Variants in CYB5R4 observed in about 807,000 individuals in gnomAD.
CYB5R4 encodes N-terminal cytochrome b5 and cytochrome b5 oxidoreductase domain-containing protein.
Under a neutral mutation model 70.2 loss-of-function variants are expected in CYB5R4, and 55 were observed. The observed-to-expected ratio is 0.78, with a 90% CI of 0.63 to 0.98. CYB5R4 has a LOEUF of 0.98. CYB5R4 is among the 50% of genes least tolerant of loss of function. The probability of loss-of-function intolerance (pLI) is 0.00; values close to 1 mark genes in which losing one functional copy is unlikely to be tolerated. For synonymous variants in CYB5R4, 197 were observed against 199.5 expected (o/e 0.99, Z 0.11); for missense variants, 562 against 612.6 (o/e 0.92, Z 0.87).
chr6:83,934,768 A>G lies in CYB5R4; in HGVS notation c.955+33A>G, dbSNP rs61756892. On this transcript the variant is annotated intron_variant, in intron 11 of 15. Transcript: ENST00000369681. The stretch of plus-strand genomic sequence containing the variant: ...GAATAGAGGCTTTGGGACACAATTT[A>G]TTCTTTTATAAGCAGTTCAAAATCA... The G allele has an allele frequency of 7.1e-4, 1,126 of 1,582,518 alleles. 11 individuals carry two copies. The African/African-American group carries it at 0.014, about 19-fold the overall frequency.
intron 3 of CYB5R4, among the ~76,000 whole-genome samples, chr6:83,903,394 T>G (rs1353008217): frequency 6.6e-6 from 1 of 152,150 alleles, no homozygotes; most frequent in Non-Finnish European, 1.5e-5. Flanking sequence ...TTTATTATAT[T>G]TTTGATGTGC....
At position 83,888,728 on chromosome 6, in the gene CYB5R4, T is replaced by C. The variant is rs573297591; in HGVS notation, c.230-4794T>C. ...AGTGTTCCAAGTGAAGGAAATGTTG[T>C]ATATCTCTCACTTCAAATAAAAAAC... is the stretch of plus-strand genomic sequence containing the variant. On this transcript the variant is annotated intron_variant, in intron 2 of 15. Coordinates refer to ENST00000369681, the MANE Select transcript of CYB5R4 (RefSeq NM_016230.4). 2.3e-4 allele frequency among the ~76,000 whole-genome samples: 35 copies of C among 152,292 alleles called. 1 individual carries two copies. Among genetic ancestry groups the C allele is most frequent in the Middle Eastern group, 3.4e-3 (1 of 294 alleles).
chr6:83,946,385 A>G (rs978892928), intron 14 of CYB5R4, among the ~76,000 whole-genome samples: 3 of 152,210 alleles, frequency 2.0e-5, no homozygotes, highest in Admixed American at 6.5e-5. Context: ...CCTTCATGCT[A>G]AAAACACTCA....
At chr6:83,878,536 C>T (rs531662142) in intron 2 of CYB5R4, among the ~76,000 whole-genome samples, 31 of 152,098 alleles carry the variant, frequency 2.0e-4, no homozygotes, top group South Asian at 1.5e-3. Context: ...TTAGTAGAGA[C>T]GGGGTTTCAC....
chr6:83,901,815 A>G (rs546145242), intron 3 of CYB5R4, among the ~76,000 whole-genome samples: 1 of 151,676 alleles, frequency 6.6e-6, no homozygotes, highest in East Asian at 1.9e-4. Context: ...TCATGTACTC[A>G]TCAACTATTT....
chr6:83,950,004 T>C (rs1410348046), intron 14 of CYB5R4, among the ~76,000 whole-genome samples: 2 of 152,150 alleles, frequency 1.3e-5, no homozygotes, highest in Non-Finnish European at 2.9e-5. Flanking sequence ...TACACATGGA[T>C]CCAACAGTGA....
chr6:83,944,902 A>T (rs1177502852), intron 14 of CYB5R4, among the ~76,000 whole-genome samples: 1 of 152,246 alleles, frequency 6.6e-6, no homozygotes, highest in Non-Finnish European at 1.5e-5. Flanking sequence ...ATATGCACCC[A>T]ATACAGGAGC....
intron 14 of CYB5R4, among the ~76,000 whole-genome samples, chr6:83,945,000 A>G (rs767918571): frequency 2.8e-4 from 43 of 151,678 alleles, no homozygotes; most frequent in Middle Eastern, 3.4e-3. Context: ...CCTACTGTCA[A>G]TATTAGACAG....
chr6:83,902,937 G>C (rs1285029141), intron 3 of CYB5R4, among the ~76,000 whole-genome samples: 3 of 151,912 alleles, frequency 2.0e-5, no homozygotes, highest in African/African-American at 7.3e-5. Context: ...GGAGTCTTTT[G>C]GTTTTTCTAA....
In CYB5R4 at chr6:83,962,887, G is replaced by C. The variant is rs943027545; in HGVS notation, c.*3009G>C. On this transcript the variant is annotated 3_prime_UTR_variant, in exon 16 of 16. Transcript: ENST00000369681. ...TTCAGCATTAGTGGATGAATCTCAT[G>C]CTTTCAGTCTCTCTGAATTCCCTTG... 2 of 152,178 alleles carry C rather than the reference G, an allele frequency of 1.3e-5. No individual in the cohort carries two copies. Among genetic ancestry groups the C allele is most frequent in the Admixed American group, 1.3e-4 (2 of 15,264 alleles). The allele number at this position is 152,178 out of a possible 1,614,324, so 9.4% of individuals were successfully genotyped here. A position where few individuals can be genotyped will look rare whatever the true frequency, so the allele number is the denominator to read the frequency against.
rs200388539 is a variant in CYB5R4 at position 83,908,999 on chromosome 6, T to C, written c.331-10T>C. The C allele has an allele frequency of 2.5e-4, 398 of 1,612,300 alleles. No individual in the cohort carries two copies. The highest frequency in any genetic ancestry group is 2.9e-4 in the Non-Finnish European group (344 of 1,178,460). The stretch of plus-strand genomic sequence containing the variant: ...CATGTTGCTTTTCCATCATTTGTTT[T>C]ACATACCAGGTTCATCGTTGGGTCA... On this transcript the variant is annotated splice_polypyrimidine_tract_variant and intron_variant, in intron 3 of 15. Transcript: ENST00000369681.
intron 8 of CYB5R4, among the ~76,000 whole-genome samples, chr6:83,921,957 C>CA (rs2099466447): frequency 6.6e-6 from 1 of 152,210 alleles, no homozygotes; most frequent in Non-Finnish European, 1.5e-5. Flanking sequence ...AAATACCTGT[C>CA]ACACATAGAC....
Position 83,964,399 on chromosome 6 carries a change from CAA to C in CYB5R4, c.*4523_*4524del, listed in dbSNP as rs2099473769. 6.6e-6 allele frequency: 1 copy of C among 152,480 alleles called. No individual in the cohort carries two copies. Among genetic ancestry groups the C allele is most frequent in the African/African-American group, 2.4e-5 (1 of 41,446 alleles). 9.4% of individuals were successfully genotyped at this position (152,480 alleles called of 1,614,324 possible). On this transcript the variant is annotated 3_prime_UTR_variant, in exon 16 of 16. Transcript: ENST00000369681. ...AAAGGTGACTCTTGTTATGATTTAG[CAA>C]AGAGACTGGCGGCATTTTGCCCCTG...
chr6:83,888,462 A>C (rs1393699926), intron 2 of CYB5R4, among the ~76,000 whole-genome samples: 2 of 152,092 alleles, frequency 1.3e-5, no homozygotes, highest in African/African-American at 4.8e-5. Flanking sequence ...AGTTCTTGCA[A>C]ACTTTTTCAT....
Position 83,893,608 on chromosome 6 carries a change from G to T in CYB5R4, c.316G>T (p.Glu106Ter). 1 of 1,608,486 alleles carries T rather than the reference G, an allele frequency of 6.2e-7. No individual in the cohort carries two copies. Among genetic ancestry groups the T allele is most frequent in the South Asian group, 1.1e-5 (1 of 90,802 alleles). Residue 106 changes from glutamate to a stop codon, truncating the protein, a stop_gained, in exon 3 of 16, where the codon GAA (glutamate) becomes TAA (stop). Transcript: ENST00000369681. LOFTEE classifies it high-confidence loss of function. ...LMRAAGSDGT[E>*]LFDQVHRWVN... is the part of the protein sequence containing the mutation. ...GAGAGCAGCAGGATCAGATGGTACT[G>T]AACTTTTTGATCAGGTAAGATGTGC...
intron 2 of CYB5R4, among the ~76,000 whole-genome samples, chr6:83,882,162 A>G (rs1481484091): frequency 6.6e-6 from 1 of 152,162 alleles, no homozygotes; most frequent in Non-Finnish European, 1.5e-5. Context: ...AAGGGATGTC[A>G]CTGTGTGAGT....
At chr6:83,911,580 G>A (rs2099464684) in intron 4 of CYB5R4, among the ~76,000 whole-genome samples, 1 of 151,392 alleles carries the variant, frequency 6.6e-6, no homozygotes, top group Non-Finnish European at 1.5e-5. Context: ...TTTTTTCCTA[G>A]AATGCTTTTC....
At chr6:83,887,662 T>C (rs1325123913) in intron 2 of CYB5R4, among the ~76,000 whole-genome samples, 2 of 152,152 alleles carry the variant, frequency 1.3e-5, no homozygotes, top group Non-Finnish European at 2.9e-5. Flanking sequence ...CGTTGTATTT[T>C]AGTTTTAATA....
chr6:83,864,068 A>C (rs1438902223), intron 1 of CYB5R4, 107 bp from the exon 2 acceptor site: 3 of 1,064,398 alleles, frequency 2.8e-6, no homozygotes, highest in Non-Finnish European at 4.0e-6. Flanking sequence ...CAGCCTCTTA[A>C]AACTGTAAAA....
Sources: gnomAD v4.1 joint callset for allele counts (sites outside exome capture counted in the v4.1 genomes callset) on GRCh38, gnomAD v4.1.1 for gene constraint, MANE v1.5 for transcripts, NCBI Gene and HGNC (gene_info 2026-07-23, HGNC 2026-07-21) for gene names.